Variants in MUS81 observed in about 807,000 individuals in gnomAD.
MUS81 encodes structure-specific endonuclease subunit MUS81.
MUS81 carries 69 observed loss-of-function variants against 74.2 expected under a neutral mutation model. The ratio of observed to expected loss-of-function variants is 0.93; its 90% confidence interval spans 0.77 to 1.14. The LOEUF is 1.14. MUS81 is among the 50% of genes most tolerant of loss of function. The pLI is 0.00. For synonymous variants in MUS81, 303 were observed against 300.6 expected (o/e 1.01, Z -0.08); for missense variants, 711 against 726.5 (o/e 0.98, Z 0.25).
Position 65,860,991 on chromosome 11 carries a change from C to A in MUS81, c.154C>A (p.Arg52=). The A allele has an allele frequency of 6.2e-7, 1 of 1,612,170 alleles. No homozygotes were observed. Among genetic ancestry groups the A allele is most frequent in the Non-Finnish European group, 8.5e-7 (1 of 1,179,684 alleles). ...VFQKALRSLR[R]YPLPLRSGKE... is the part of the protein sequence containing the mutation. ...CGGCCAGGCGCTGCGTTCCCTCCGA[C>A]GGTACCCACTGCCGCTGCGCAGCGG... is the stretch of plus-strand genomic sequence containing the variant. Residue 52 remains arginine (R), a synonymous_variant, in exon 2 of 16, where the codon CGG becomes AGG. Transcript: ENST00000308110.
chr11:65,864,761 G>C lies in MUS81; in HGVS notation c.1218G>C (p.Lys406Asn). Residue 406 changes from lysine (K) to asparagine (N), a missense_variant, in exon 12 of 16, where the codon AAG (lysine) becomes AAC (asparagine). By Grantham distance (94) the Lys-to-Asn change is moderately conservative. Coordinates refer to ENST00000308110, the MANE Select transcript of MUS81 (RefSeq NM_025128.5). ...TTGTGAAGCGCACAGCAGACATTAA[G>C]GAGTCAGCCGCCTACCTGGCCCTCT... ...GFFVKRTADI[K>N]ESAAYLALLT... 6.2e-7 allele frequency: 1 copy of C among 1,614,006 alleles called. No individual in the cohort carries two copies. The highest frequency in any genetic ancestry group is 8.5e-7 in the Non-Finnish European group (1 of 1,180,004).
rs760849665 is a variant in MUS81, at chr11:65,860,893, G to A, written c.135+5G>A. 6.3e-7 allele frequency: 1 copy of A among 1,596,140 alleles called. No individual in the cohort carries two copies. Among genetic ancestry groups the A allele is most frequent in the South Asian group, 1.1e-5 (1 of 89,372 alleles). On this transcript the variant is annotated splice_donor_5th_base_variant and intron_variant, in intron 1 of 15. Coordinates refer to ENST00000308110, the MANE Select transcript of MUS81 (RefSeq NM_025128.5). ...ACGCGCTTCGTATTTCAGAAGGTGG[G>A]TCCTGGCGTGGCCCGATGGGAAAAG...
At chr11:65,860,229 C>T, upstream of MUS81, 2 of 455,960 alleles carry the variant, frequency 4.4e-6, no homozygotes, top group Non-Finnish European at 8.8e-6. Context: ...TCCTAGCCCC[C>T]GCCTCTCCTG....
intron 8 of MUS81, 47 bp downstream of exon 8, chr11:65,863,549 G>T: frequency 6.2e-7 from 1 of 1,614,034 alleles, no homozygotes; most frequent in South Asian, 1.1e-5. Flanking sequence ...AGGAGGCTGG[G>T]GGGTAGGCAC....
chr11:65,863,972 G>C (rs1186702605), intron 10 of MUS81, 71 bp downstream of exon 10: 1 of 1,479,370 alleles, frequency 6.8e-7, no homozygotes. Flanking sequence ...AGCAATCCAG[G>C]GGCACTTCTG....
Position 65,863,733 on chromosome 11 carries a change from T to C in MUS81, c.961+12T>C. 1 of 1,613,952 alleles carries C rather than the reference T, an allele frequency of 6.2e-7. No individual in the cohort carries two copies. Among genetic ancestry groups the C allele is most frequent in the Non-Finnish European group, 8.5e-7 (1 of 1,179,912 alleles). ...TCCTAGAGACCCAGGTGAAGGGCCG[T>C]GGACAGGCTGGCACCAGGGGCAGGG... On this transcript the variant is annotated intron_variant, in intron 9 of 15. Coordinates refer to ENST00000308110, the MANE Select transcript of MUS81 (RefSeq NM_025128.5).
upstream of MUS81, among the ~76,000 whole-genome samples, chr11:65,859,678 C>G (rs1330144451): frequency 2.6e-5 from 4 of 152,238 alleles, no homozygotes; most frequent in Non-Finnish European, 4.4e-5. Flanking sequence ...GGCTGGAGAC[C>G]TGCGTGTTGC....
rs750694826 is a variant in MUS81, at chr11:65,863,403, C to G, written c.747-7C>G. 1 of 1,613,938 alleles carries G rather than the reference C, an allele frequency of 6.2e-7. No individual in the cohort carries two copies. Among genetic ancestry groups the G allele is most frequent in the South Asian group, 1.1e-5 (1 of 91,082 alleles). Reference sequence around the variant, plus strand: ...TCTGGCCTCACATACCAACACCCCCCACTTAGTGCCAGTGAAGCAGGGGTC... The same window carrying G: ...TCTGGCCTCACATACCAACACCCCCGACTTAGTGCCAGTGAAGCAGGGGTC... On this transcript the variant is annotated splice_polypyrimidine_tract_variant and splice_region_variant and intron_variant, in intron 7 of 15. Coordinates refer to ENST00000308110, the MANE Select transcript of MUS81 (RefSeq NM_025128.5).
rs1253498195 is a variant in MUS81 at position 65,863,013 on chromosome 11, T to C, written c.606-52T>C. On this transcript the variant is annotated intron_variant, in intron 6 of 15. Transcript: ENST00000308110. Reference sequence around the variant, plus strand: ...CCAGCTGGGGGCAGGCAGGAAAGCCTGCCAGGAATGAGTGAAGAAGGTAGA... The same window carrying C: ...CCAGCTGGGGGCAGGCAGGAAAGCCCGCCAGGAATGAGTGAAGAAGGTAGA... The C allele has an allele frequency of 2.5e-6, 4 of 1,611,948 alleles. No homozygotes were observed. In the East Asian group the frequency reaches 8.9e-5, roughly 36 times the overall value.
At position 65,865,877 on chromosome 11, in the gene MUS81, G is replaced by C; in HGVS notation, c.1572G>C (p.Lys524Asn). Residue 524 changes from lysine (K) to asparagine (N), a missense_variant, in exon 15 of 16, where the codon AAG becomes AAC. Physicochemically the swap from Lys to Asn is moderately conservative, Grantham distance 94 (BLOSUM62 0). Coordinates refer to ENST00000308110, the MANE Select transcript of MUS81 (RefSeq NM_025128.5). Reference protein sequence around the residue: ...KEQETLLSTIKCGRLQRNLGP... With the variant: ...KEQETLLSTINCGRLQRNLGP... ...AAGAGACACTGCTGAGCACCATTAAGTGTGGGCGTCTACAGAGGTGAGGGC... is the reference window on the plus strand; with the variant it reads ...AAGAGACACTGCTGAGCACCATTAACTGTGGGCGTCTACAGAGGTGAGGGC... 6.2e-7 allele frequency: 1 copy of C among 1,614,180 alleles called. No individual in the cohort carries two copies. Among genetic ancestry groups the C allele is most frequent in the African/African-American group, 1.3e-5 (1 of 75,040 alleles).
In MUS81 at chr11:65,862,210, G is replaced by A. The variant is rs1859633984; in HGVS notation, c.451-1G>A. ...CCCTGTCTTTTCTACCTTGGTTTCA[G>A]AATCCTAATGGTCACCACTTCTTAA... On this transcript the variant is annotated splice_acceptor_variant, in intron 4 of 15. Coordinates refer to ENST00000308110, the MANE Select transcript of MUS81 (RefSeq NM_025128.5). LOFTEE classifies it high-confidence loss of function. 1 of 1,613,428 alleles carries A rather than the reference G, an allele frequency of 6.2e-7. No individual in the cohort carries two copies.
downstream of MUS81, chr11:65,867,112 T>G: frequency 6.2e-7 from 1 of 1,612,498 alleles, no homozygotes; most frequent in Non-Finnish European, 8.5e-7. Flanking sequence ...ACATATATAT[T>G]GTGTCAGCCT....
downstream of MUS81, chr11:65,866,970 C>T (rs766995796): frequency 1.3e-5 from 21 of 1,614,046 alleles, no homozygotes; most frequent in Admixed American, 1.2e-4. Flanking sequence ...AGAGCTGGCC[C>T]GGTAGCTCAT....
In MUS81 at chr11:65,862,504, G is replaced by A. The variant is rs759341246; in HGVS notation, c.580G>A (p.Val194Ile). ...CCGCTCCCTCCTTCACAGGAACCTG[G>A]TCCTCAGGACACACCAGCCAGCCAG... Reference protein sequence around the residue: ...ALRSLLHRNLVLRTHQPARYS... With the variant: ...ALRSLLHRNLILRTHQPARYS... Residue 194 changes from valine to isoleucine, a missense_variant, in exon 6 of 16, where the codon GTC becomes ATC. Transcript: ENST00000308110. The A allele has an allele frequency of 5.6e-6, 9 of 1,613,618 alleles. No homozygotes were observed. The African/African-American group carries it at 1.2e-4, about 22-fold the overall frequency.
At chr11:65,860,001 C>A (rs1459012107), upstream of MUS81, 1 of 275,522 alleles carries the variant, frequency 3.6e-6, no homozygotes, top group Non-Finnish European at 7.7e-6. Flanking sequence ...CCTCCTTCCT[C>A]TAGGCCTCTG....
chr11:65,861,903 T>C lies in MUS81; in HGVS notation c.352-44T>C, dbSNP rs1859620436. On this transcript the variant is annotated intron_variant, in intron 3 of 15. Coordinates refer to ENST00000308110, the MANE Select transcript of MUS81 (RefSeq NM_025128.5). ...AGCCTGCTGGGGACTTATTCAAAGA[T>C]GACTGGCTGGCTTTCATGTTCAGAA... 7.3e-6 allele frequency: 11 copies of C among 1,499,168 alleles called. No individual in the cohort carries two copies. In the East Asian group the frequency reaches 2.6e-4, roughly 36 times the overall value. The allele number at this position is 1,499,168 out of a possible 1,614,324, so 92.9% of individuals were successfully genotyped here.
Position 65,866,102 on chromosome 11 carries a change from C to A in MUS81, c.*50C>A, listed in dbSNP as rs1859825698. The A allele has an allele frequency of 1.3e-6, 2 of 1,546,866 alleles. No homozygotes were observed. Among genetic ancestry groups the A allele is most frequent in the Non-Finnish European group, 1.8e-6 (2 of 1,135,434 alleles). Reference sequence around the variant, plus strand: ...GCCCCCGTCTGTCCCCCAACCCAGGCTAGCCAGCCTTTTAACAACATCTTT... The same window carrying A: ...GCCCCCGTCTGTCCCCCAACCCAGGATAGCCAGCCTTTTAACAACATCTTT... On this transcript the variant is annotated 3_prime_UTR_variant, in exon 16 of 16. Transcript: ENST00000308110.
chr11:65,861,926 G>T, intron 3 of MUS81, 21 bp from the exon 4 acceptor site: 1 of 1,587,470 alleles, frequency 6.3e-7, no homozygotes. Flanking sequence ...TTCATGTTCA[G>T]AACTCCTCTG....
rs748185214 is a variant in MUS81 at position 65,860,888 on chromosome 11, G to C, written c.135G>C (p.Lys45Asn). The part of the protein sequence containing the change: ...SRRRTRFVFQ[K>N]ALRSLRRYPL... ...GCCGCACGCGCTTCGTATTTCAGAA[G>C]GTGGGTCCTGGCGTGGCCCGATGGG... The change falls in exon 1 of 16, where the codon AAG becomes AAC. Residue 45 changes from lysine (K) to asparagine (N), a missense_variant and splice_region_variant. Transcript: ENST00000308110. 1.9e-6 allele frequency: 3 copies of C among 1,592,304 alleles called. No individual in the cohort carries two copies. The highest frequency in any genetic ancestry group is 2.7e-5 in the African/African-American group (2 of 74,652).
Sources: gnomAD v4.1 joint callset for allele counts (sites outside exome capture counted in the v4.1 genomes callset) on GRCh38, gnomAD v4.1.1 for gene constraint, MANE v1.5 for transcripts, NCBI Gene and HGNC (gene_info 2026-07-23, HGNC 2026-07-21) for gene names.